Variants in NEK11 observed in about 807,000 individuals in gnomAD.
NEK11 encodes serine/threonine-protein kinase Nek11.
A neutral mutation model predicts 80.7 loss-of-function variants in NEK11; 72 were observed. That is an observed-to-expected ratio of 0.89 (90% CI 0.74 to 1.08). The LOEUF is 1.08. Among genes scored for constraint, NEK11 ranks in the 50% least tolerant of loss-of-function variants. The probability of loss-of-function intolerance (pLI) is 0.00; values close to 1 mark genes in which losing one functional copy is unlikely to be tolerated. For missense variants in NEK11, 764 were observed against 763.6 expected, an observed-to-expected ratio of 1.00 and a Z score of -0.01; for synonymous variants, 251 against 260.7, an observed-to-expected ratio of 0.96 and a Z score of 0.36.
intron 3 of NEK11, among the ~76,000 whole-genome samples, chr3:131,080,199 T>C (rs947863418): frequency 2.0e-5 from 3 of 151,956 alleles, no homozygotes; most frequent in Admixed American, 2.0e-4. Context: ...TGGCTGCCCT[T>C]ATAGAACTGT....
chr3:131,142,314 A>C (rs2149703882), intron 7 of NEK11, among the ~76,000 whole-genome samples: 1 of 152,352 alleles, frequency 6.6e-6, no homozygotes, highest in African/African-American at 2.4e-5. Flanking sequence ...TCTTATTATG[A>C]TGCCAGCTGG....
At chr3:131,300,762 T>C (rs907118288) in intron 17 of NEK11, among the ~76,000 whole-genome samples, 6 of 152,206 alleles carry the variant, frequency 3.9e-5, no homozygotes, top group Non-Finnish European at 5.9e-5. Context: ...TACCAGTACA[T>C]ACTGTTTTAG....
At chr3:131,334,380 TGAAATGAAGGCA>T (rs1256009221) in intron 17 of NEK11, among the ~76,000 whole-genome samples, 1 of 151,496 alleles carries the variant, frequency 6.6e-6, no homozygotes, top group Non-Finnish European at 1.5e-5. Flanking sequence ...GGGTACATAA[TGAAATGAAGGCA>T]GAAATAAAGA....
At position 131,158,811 on chromosome 3, in the gene NEK11, G is replaced by A. The variant is rs536483588; in HGVS notation, c.963-3597G>A. Among the ~76,000 whole-genome samples, 192 of 152,266 alleles carry A rather than the reference G, an allele frequency of 1.3e-3. 1 individual carries two copies. The highest frequency in any genetic ancestry group is 4.3e-3 in the African/African-American group (179 of 41,548). On this transcript the variant is annotated intron_variant, in intron 10 of 17. Transcript: ENST00000383366. ...ACACTGCCACTCCACCACCACTGCC[G>A]CTGCTGGCACATGCAAGCAAGGATG...
At chr3:131,307,903 T>C (rs2096738556) in intron 17 of NEK11, among the ~76,000 whole-genome samples, 1 of 152,230 alleles carries the variant, frequency 6.6e-6, no homozygotes, top group African/African-American at 2.4e-5. Context: ...CGTTATTCAG[T>C]GGTAAAATTT....
At chr3:131,277,522 G>T (rs1229334810) in intron 17 of NEK11, among the ~76,000 whole-genome samples, 3 of 152,186 alleles carry the variant, frequency 2.0e-5, no homozygotes, top group Non-Finnish European at 2.9e-5. Context: ...GGCTTACTTA[G>T]TGTGTGACAG....
Position 131,037,980 on chromosome 3 carries a change from G to A in NEK11, c.170+8102G>A, listed in dbSNP as rs147858992. The stretch of plus-strand genomic sequence containing the variant: ...AGGATTCAGTGGTTTACGCCGTGGA[G>A]AGTTATGAAAACAATTTGGAAGAAA... On this transcript the variant is annotated intron_variant, in intron 3 of 17. Coordinates refer to ENST00000383366, the MANE Select transcript of NEK11 (RefSeq NM_024800.5). Among the ~76,000 whole-genome samples, 1,242 of 152,120 alleles carry A rather than the reference G, an allele frequency of 8.2e-3. 22 individuals carry two copies. Among genetic ancestry groups the A allele is most frequent in the African/African-American group, 0.028 (1,175 of 41,482 alleles).
At chr3:131,311,866 C>T (rs1358816035) in intron 17 of NEK11, among the ~76,000 whole-genome samples, 1 of 152,222 alleles carries the variant, frequency 6.6e-6, no homozygotes, top group African/African-American at 2.4e-5. Flanking sequence ...AAACCACTGT[C>T]TGTTGTTTTA....
intron 17 of NEK11, among the ~76,000 whole-genome samples, chr3:131,336,861 A>G (rs1463931817): frequency 1.3e-5 from 2 of 152,238 alleles, no homozygotes; most frequent in Non-Finnish European, 2.9e-5. Flanking sequence ...GACACATGTA[A>G]AAATGCTCAT....
rs534761829 is a variant in NEK11, at chr3:131,220,077, A to T, written c.1400-8451A>T. 7.2e-5 allele frequency among the ~76,000 whole-genome samples: 11 copies of T among 152,326 alleles called. No homozygotes were observed. In the South Asian group the frequency reaches 2.3e-3, roughly 32 times the overall value. Reference sequence around the variant, plus strand: ...GTTTTTCTCAGAAGCAGCAGATGTCACCAGTTAACTTTGACTTCAATTTCT... The same window carrying T: ...GTTTTTCTCAGAAGCAGCAGATGTCTCCAGTTAACTTTGACTTCAATTTCT... On this transcript the variant is annotated intron_variant, in intron 14 of 17. Transcript: ENST00000383366.
chr3:131,186,216 A>G (rs1048182720), intron 14 of NEK11, among the ~76,000 whole-genome samples: 2 of 152,216 alleles, frequency 1.3e-5, no homozygotes, highest in African/African-American at 4.8e-5. Flanking sequence ...CACCTTCACT[A>G]TATGAATTAA....
At chr3:131,271,459 A>T (rs1359503386) in intron 16 of NEK11, among the ~76,000 whole-genome samples, 1 of 152,184 alleles carries the variant, frequency 6.6e-6, no homozygotes, top group Non-Finnish European at 1.5e-5. Context: ...CAAAAGGAGG[A>T]TGTATGTGAG....
At chr3:131,294,317 T>C (rs537477382) in intron 17 of NEK11, among the ~76,000 whole-genome samples, 1 of 152,250 alleles carries the variant, frequency 6.6e-6, no homozygotes, top group South Asian at 2.1e-4. Context: ...ATTTCTTCTT[T>C]AACCCATGTG....
chr3:131,123,165 T>A (rs1305335997), intron 5 of NEK11, among the ~76,000 whole-genome samples: 1 of 152,082 alleles, frequency 6.6e-6, no homozygotes, highest in African/African-American at 2.4e-5. Context: ...GCCAATACAT[T>A]ACGATTTTTT....
At chr3:131,300,690 GGT>G (rs763196131) in intron 17 of NEK11, among the ~76,000 whole-genome samples, 1 of 152,086 alleles carries the variant, frequency 6.6e-6, no homozygotes, top group Non-Finnish European at 1.5e-5. Context: ...GATGGTTGTA[GGT>G]GTGTGACTTC....
At chr3:131,048,255 G>A (rs974667257) in intron 3 of NEK11, among the ~76,000 whole-genome samples, 4 of 152,116 alleles carry the variant, frequency 2.6e-5, no homozygotes, top group South Asian at 2.1e-4. Context: ...CCCACCTGCC[G>A]CAGCTTCTGT....
chr3:131,082,942 A>AT (rs2075485791), intron 4 of NEK11, among the ~76,000 whole-genome samples: 1 of 152,228 alleles, frequency 6.6e-6, no homozygotes, highest in Non-Finnish European at 1.5e-5. Flanking sequence ...ATGTAACCAT[A>AT]GTACAGTAAT....
intron 3 of NEK11, among the ~76,000 whole-genome samples, chr3:131,047,702 G>A (rs1189394817): frequency 6.6e-6 from 1 of 152,202 alleles, no homozygotes; most frequent in East Asian, 1.9e-4. Context: ...TGGACTCTGC[G>A]AGGGTCCTTG....
At chr3:131,227,389 C>G (rs905224239) in intron 14 of NEK11, among the ~76,000 whole-genome samples, 4 of 152,142 alleles carry the variant, frequency 2.6e-5, no homozygotes, top group Non-Finnish European at 4.4e-5. Flanking sequence ...CCGATGCTTT[C>G]ATGAGAATTC....
Sources: allele counts gnomAD v4.1 joint callset (sites outside exome capture counted in the v4.1 genomes callset), GRCh38; gene constraint gnomAD v4.1.1; transcripts MANE v1.5; gene names NCBI Gene and HGNC (gene_info 2026-07-23, HGNC 2026-07-21).